DNAH14: variants seen among roughly 807,000 people sequenced by gnomAD.
DNAH14 encodes dynein axonemal heavy chain 14, also known as axonemal beta dynein heavy chain 14.
DNAH14 carries 478 observed loss-of-function variants against 520.9 expected under a neutral mutation model. The observed-to-expected ratio is 0.92, with a 90% CI of 0.85 to 0.99. The LOEUF (loss-of-function observed/expected upper bound fraction) is 0.99, where lower values mean the gene tolerates loss of function less well. DNAH14 is among the 50% of genes least tolerant of loss of function. DNAH14 has a pLI of 0.00. For synonymous variants in DNAH14, 1,581 were observed against 1,757.2 expected (o/e 0.90, Z 2.51); for missense variants, 4,831 against 5,234.5 (o/e 0.92, Z 2.38).
chr1:224,974,647 T>C (rs2061694991), intron 8 of DNAH14, among the ~76,000 whole-genome samples: 1 of 152,164 alleles, frequency 6.6e-6, no homozygotes, highest in Non-Finnish European at 1.5e-5. Context: ...TTGACAATGA[T>C]ATATAATCAA....
intron 50 of DNAH14, among the ~76,000 whole-genome samples, chr1:225,271,494 A>G (rs1160211075): frequency 1.3e-5 from 2 of 152,192 alleles, no homozygotes; most frequent in East Asian, 3.8e-4. Flanking sequence ...CCAGTAAGAT[A>G]CTTCAGAATT....
At position 225,273,078 on chromosome 1, in the gene DNAH14, AG is replaced by A; in HGVS notation, c.7964del (p.Ser2655ThrfsTer24). ...HDRLIDFTDKSLFYRLLSREL... is the reference protein window; with the variant it reads ...HDRLIDFTDKXLFYRLLSREL... ...TCGCTTAATTGATTTCACTGATAAAAGCCTTTTCTATCGGTTGCTTTCAAGG... is the reference window on the plus strand; with the variant it reads ...TCGCTTAATTGATTTCACTGATAAAACCTTTTCTATCGGTTGCTTTCAAGG... On this transcript the variant is annotated frameshift_variant, in exon 52 of 86. Coordinates refer to ENST00000682510, the MANE Select transcript of DNAH14 (RefSeq NM_001367479.1). LOFTEE classifies it high-confidence loss of function. The A allele has an allele frequency of 6.4e-7, 1 of 1,551,196 alleles. No homozygotes were observed. Among genetic ancestry groups the A allele is most frequent in the South Asian group, 1.2e-5 (1 of 83,898 alleles).
chr1:225,126,600 T>G (rs2077739085), intron 27 of DNAH14, among the ~76,000 whole-genome samples: 2 of 152,176 alleles, frequency 1.3e-5, no homozygotes, highest in East Asian at 3.8e-4. Context: ...TTCTCTCTTT[T>G]TTTCTTTATT....
chr1:225,055,378 T>C (rs905182228), intron 17 of DNAH14, among the ~76,000 whole-genome samples: 4 of 152,162 alleles, frequency 2.6e-5, no homozygotes, highest in Admixed American at 6.5e-5. Flanking sequence ...AATAGAAGTA[T>C]GTCTTTTCTT....
At chr1:225,160,894 C>G (rs1387072412) in intron 35 of DNAH14, among the ~76,000 whole-genome samples, 1 of 151,738 alleles carries the variant, frequency 6.6e-6, no homozygotes, top group East Asian at 1.9e-4. Context: ...TTAAAATATC[C>G]TTGTTCTTCT....
intron 16 of DNAH14, 57 bp downstream of exon 16, chr1:225,050,433 T>G: frequency 1.4e-6 from 2 of 1,457,184 alleles, no homozygotes; most frequent in Non-Finnish European, 1.8e-6. Flanking sequence ...ACCCACTGAA[T>G]TCTTAAATGA....
rs186344525 is a variant in DNAH14, at chr1:225,367,429, G to A, written c.12091-376G>A. ...GACCCTCTGTATCTGCTACCTCGCA[G>A]AGGCCATGCAGCCTGGGTCCTGTTA... On this transcript the variant is annotated intron_variant, in intron 76 of 85. Transcript: ENST00000682510. Among the ~76,000 whole-genome samples the A allele has an allele frequency of 2.6e-5, 4 of 152,312 alleles. No homozygotes were observed. In the East Asian group the frequency reaches 7.7e-4, roughly 29 times the overall value.
chr1:225,310,610 C>A (rs982796766), intron 60 of DNAH14, among the ~76,000 whole-genome samples: 8 of 152,288 alleles, frequency 5.3e-5, no homozygotes, highest in Admixed American at 3.9e-4. Context: ...ACCCTCACCC[C>A]CCGACAGGCC....
At chr1:225,394,256 G>A (rs535383761) in intron 84 of DNAH14, among the ~76,000 whole-genome samples, 93 of 152,090 alleles carry the variant, frequency 6.1e-4, no homozygotes, top group Non-Finnish European at 1.0e-3. Flanking sequence ...TGTTTTTGTC[G>A]TATTGATTTA....
At chr1:225,018,920 A>G (rs1160864995) in intron 10 of DNAH14, among the ~76,000 whole-genome samples, 1 of 152,236 alleles carries the variant, frequency 6.6e-6, no homozygotes, top group Non-Finnish European at 1.5e-5. Context: ...CATGGAAATG[A>G]AAGAACATTC....
chr1:225,125,996 G>A (rs2077683488), intron 27 of DNAH14, among the ~76,000 whole-genome samples: 1 of 152,096 alleles, frequency 6.6e-6, no homozygotes, highest in Admixed American at 6.6e-5. Context: ...GAGAGAGATG[G>A]GGGAATGACT....
intron 1 of DNAH14, among the ~76,000 whole-genome samples, chr1:224,932,913 G>C (rs1024621354): frequency 1.3e-5 from 2 of 152,072 alleles, no homozygotes; most frequent in South Asian, 2.1e-4. Flanking sequence ...GGCTATTCAG[G>C]CTCTTTTTTT....
At chr1:225,050,935 C>T (rs1175543149) in intron 16 of DNAH14, among the ~76,000 whole-genome samples, 3 of 152,288 alleles carry the variant, frequency 2.0e-5, no homozygotes, top group South Asian at 2.1e-4. Context: ...CAACCTAGAT[C>T]CCTCACATGT....
intron 68 of DNAH14, chr1:225,338,397 C>A: frequency 1.4e-6 from 1 of 695,660 alleles, no homozygotes; most frequent in Non-Finnish European, 2.5e-6. Context: ...CAACACTTTT[C>A]AAACTGTGCA....
At chr1:224,977,364 C>T (rs1226719508) in intron 8 of DNAH14, among the ~76,000 whole-genome samples, 1 of 151,550 alleles carries the variant, frequency 6.6e-6, no homozygotes, top group African/African-American at 2.4e-5. Context: ...GAAGGGATAG[C>T]TTTAGGAGAT....
intron 36 of DNAH14, among the ~76,000 whole-genome samples, chr1:225,176,131 G>A (rs2083308025): frequency 6.6e-6 from 1 of 151,956 alleles, no homozygotes; most frequent in Non-Finnish European, 1.5e-5. Flanking sequence ...TATCCTATTG[G>A]TTTAGGTATG....
intron 41 of DNAH14, among the ~76,000 whole-genome samples, chr1:225,215,049 C>G (rs1176626322): frequency 6.6e-6 from 1 of 152,192 alleles, no homozygotes; most frequent in Non-Finnish European, 1.5e-5. Flanking sequence ...TCATTTAGTA[C>G]TATAAATTTC....
chr1:225,316,885 T>C (rs1313236961), intron 60 of DNAH14, among the ~76,000 whole-genome samples: 3 of 152,222 alleles, frequency 2.0e-5, no homozygotes, highest in Admixed American at 1.3e-4. Context: ...CTTCATATTA[T>C]AGTGATTTTA....
chr1:225,040,112 TG>T (rs1264445889), intron 12 of DNAH14, among the ~76,000 whole-genome samples: 2 of 151,718 alleles, frequency 1.3e-5, no homozygotes, highest in East Asian at 4.0e-4. Flanking sequence ...TAATATTTTT[TG>T]TATTTTTAGT....
Sources: allele counts gnomAD v4.1 joint callset (sites outside exome capture counted in the v4.1 genomes callset), GRCh38; gene constraint gnomAD v4.1.1; transcripts MANE v1.5; gene names NCBI Gene and HGNC (gene_info 2026-07-23, HGNC 2026-07-21).